The following CNOT6 variants were observed in gnomAD, a reference collection of about 807,000 sequenced individuals.
CNOT6 encodes the protein carbon catabolite repression 4 protein.
Under a neutral mutation model 61.2 loss-of-function variants are expected in CNOT6, and 12 were observed. The observed-to-expected ratio is 0.20, with a 90% CI of 0.13 to 0.32. CNOT6 has a LOEUF of 0.32. CNOT6 is among the 10% of genes least tolerant of loss of function. CNOT6 has a pLI of 1.00. For missense variants in CNOT6, 405 were observed against 663.9 expected (o/e 0.61, Z 4.28); for synonymous variants, 225 against 240.6 (o/e 0.94, Z 0.60).
chr5:180,522,329 G>A (rs1581494773), intron 1 of CNOT6, among the ~76,000 whole-genome samples: 1 of 152,004 alleles, frequency 6.6e-6, no homozygotes. Flanking sequence ...TGCCCAGGCT[G>A]GTCTTGAATT....
intron 1 of CNOT6, among the ~76,000 whole-genome samples, chr5:180,503,332 C>T (rs929075593): frequency 6.7e-6 from 1 of 149,014 alleles, no homozygotes; most frequent in Non-Finnish European, 1.5e-5. Context: ...GGAGCAATCT[C>T]GGCTCACTGC....
chr5:180,503,373 C>G (rs1468717436), intron 1 of CNOT6, among the ~76,000 whole-genome samples: 1 of 151,332 alleles, frequency 6.6e-6, no homozygotes, highest in Non-Finnish European at 1.5e-5. Flanking sequence ...AAGCGATTCT[C>G]CAGCCTCAGC....
chr5:180,511,679 C>T (rs940843993), intron 1 of CNOT6, among the ~76,000 whole-genome samples: 4 of 152,026 alleles, frequency 2.6e-5, no homozygotes, highest in African/African-American at 4.8e-5. Context: ...ATGGGAGGAC[C>T]GCTTGAGCCT....
chr5:180,509,647 TCAGGTGATC>T, intron 1 of CNOT6, among the ~76,000 whole-genome samples: 1 of 151,220 alleles, frequency 6.6e-6, no homozygotes, highest in Admixed American at 6.6e-5. Flanking sequence ...ACTCCTGACC[TCAGGTGATC>T]CACTTGCCTC....
rs906428251 is a variant in CNOT6, at chr5:180,569,105, T to C, written c.1028-5T>C. ...CTTTCTTTGTTTCGTTTTTATCTAA[T>C]GTAGCCGGAAAGCCACATCTTGGAA... On this transcript the variant is annotated splice_region_variant and splice_polypyrimidine_tract_variant and intron_variant, in intron 9 of 11. Coordinates refer to ENST00000261951, the MANE Select transcript of CNOT6 (RefSeq NM_001370472.1). 4 of 1,609,036 alleles carry C rather than the reference T, an allele frequency of 2.5e-6. No homozygotes were observed. Among genetic ancestry groups the C allele is most frequent in the African/African-American group, 2.7e-5 (2 of 74,892 alleles).
chr5:180,568,721 T>C (rs997612787), intron 9 of CNOT6, among the ~76,000 whole-genome samples: 4 of 152,134 alleles, frequency 2.6e-5, no homozygotes, highest in Non-Finnish European at 4.4e-5. Context: ...TGGAGAAATT[T>C]AATGTGAAGT....
At chr5:180,500,743 G>C (rs13175241) in intron 1 of CNOT6, among the ~76,000 whole-genome samples, 99,443 of 152,096 alleles carry the variant, frequency 0.65, 33,328 homozygotes, top group African/African-American at 0.72. Context: ...GTGGGGCTTA[G>C]AGTCTTTTGT....
intron 11 of CNOT6, 97 bp downstream of exon 11, chr5:180,571,529 G>A (rs1760748753): frequency 3.4e-6 from 3 of 881,998 alleles, no homozygotes; most frequent in East Asian, 5.1e-5. Flanking sequence ...GTGTGTTCAG[G>A]CTGGAATGAA....
intron 1 of CNOT6, among the ~76,000 whole-genome samples, chr5:180,526,703 A>G (rs1032029802): frequency 1.3e-5 from 2 of 152,202 alleles, no homozygotes; most frequent in South Asian, 2.1e-4. Context: ...CTGCATGGGT[A>G]TACAGAGTAG....
rs141217902 is a variant in CNOT6, at chr5:180,529,037, C to T, written c.-2-238C>T. ...CAGCCTGGCCAATATGGTGAAACCC[C>T]GTCTGTATTAAAAATACAAAAATGA... On this transcript the variant is annotated intron_variant, in intron 1 of 11. Transcript: ENST00000261951. 3.9e-3 allele frequency among the ~76,000 whole-genome samples: 585 copies of T among 151,934 alleles called. 4 individuals carry two copies. Among genetic ancestry groups the T allele is most frequent in the African/African-American group, 0.013 (527 of 41,446 alleles).
chr5:180,495,070 T>G (rs953032546), intron 1 of CNOT6, among the ~76,000 whole-genome samples: 2 of 151,962 alleles, frequency 1.3e-5, no homozygotes, highest in Non-Finnish European at 2.9e-5. Context: ...GCTGCCGTCG[T>G]CGGAGGAGGC....
At chr5:180,537,209 G>A (rs1758742475) in intron 2 of CNOT6, among the ~76,000 whole-genome samples, 1 of 152,162 alleles carries the variant, frequency 6.6e-6, no homozygotes, top group South Asian at 2.1e-4. Context: ...AGTGTGTTTA[G>A]TTTTGCCAAA....
In CNOT6 at chr5:180,564,495, C is replaced by G; in HGVS notation, c.392C>G (p.Pro131Arg). The G allele has an allele frequency of 6.2e-7, 1 of 1,604,440 alleles. No homozygotes were observed. Residue 131 changes from proline (P) to arginine (R), a missense_variant, in exon 5 of 12, where the codon CCC (proline) becomes CGC (arginine). Transcript: ENST00000261951. ...ATTTCAAAAATATTTCCAGGAAATC[C>G]CCTTACCCAGGATATATTGAACCTT... is the stretch of plus-strand genomic sequence containing the variant. ...QLQTLGLKGNPLTQDILNLYQ... is the reference protein window; with the variant it reads ...QLQTLGLKGNRLTQDILNLYQ...
intron 1 of CNOT6, among the ~76,000 whole-genome samples, chr5:180,518,782 T>G (rs1287172847): frequency 6.6e-6 from 1 of 152,220 alleles, no homozygotes; most frequent in Non-Finnish European, 1.5e-5. Context: ...ATTACTGGTA[T>G]GAGCCTGGCC....
At chr5:180,564,364 A>G (rs982281796) in intron 4 of CNOT6, 125 bp from the exon 5 acceptor site, 38 of 666,312 alleles carry the variant, frequency 5.7e-5, no homozygotes, top group Non-Finnish European at 8.4e-5. Context: ...AATATTTTCT[A>G]TAGTCTGACA....
At chr5:180,516,859 A>G (rs1381819310) in intron 1 of CNOT6, among the ~76,000 whole-genome samples, 1 of 152,180 alleles carries the variant, frequency 6.6e-6, no homozygotes, top group Non-Finnish European at 1.5e-5. Context: ...TTCTCATTTT[A>G]TCTGATTGCT....
At chr5:180,557,164 G>A (rs538484039) in intron 4 of CNOT6, among the ~76,000 whole-genome samples, 21 of 152,160 alleles carry the variant, frequency 1.4e-4, no homozygotes, top group Non-Finnish European at 2.6e-4. Context: ...AATCTGGGTG[G>A]CTTCTAATTT....
intron 1 of CNOT6, among the ~76,000 whole-genome samples, chr5:180,512,293 T>G (rs1256105691): frequency 2.6e-5 from 4 of 152,208 alleles, no homozygotes; most frequent in Non-Finnish European, 5.9e-5. Context: ...AACTTAACCT[T>G]GAATTATAGA....
chr5:180,547,868 G>A (rs1398505228), intron 2 of CNOT6, among the ~76,000 whole-genome samples: 2 of 151,848 alleles, frequency 1.3e-5, no homozygotes, highest in African/African-American at 4.8e-5. Flanking sequence ...CTAGAAGCTG[G>A]GATTACAGGC....
Sources: gnomAD v4.1 joint callset for allele counts (sites outside exome capture counted in the v4.1 genomes callset) on GRCh38, gnomAD v4.1.1 for gene constraint, MANE v1.5 for transcripts, NCBI Gene and HGNC (gene_info 2026-07-23, HGNC 2026-07-21) for gene names.